MACF1: variants seen among roughly 807,000 people sequenced by gnomAD.
The protein encoded by MACF1 is microtubule-actin cross-linking factor 1.
Under a neutral mutation model 854.8 loss-of-function variants are expected in MACF1, and 193 were observed. That is an observed-to-expected ratio of 0.23 (90% CI 0.20 to 0.25). The LOEUF is 0.25. MACF1 is among the 10% of genes least tolerant of loss of function. The probability of loss-of-function intolerance (pLI) is 1.00; values close to 1 mark genes in which losing one functional copy is unlikely to be tolerated. For missense variants in MACF1, 7,722 were observed against 8,929.1 expected, an observed-to-expected ratio of 0.86 and a Z score of 5.45; for synonymous variants, 3,185 against 3,226.7, an observed-to-expected ratio of 0.99 and a Z score of 0.44.
intron 97 of MACF1, 52 bp downstream of exon 97, chr1:39,469,667 G>A (rs1644739548): frequency 7.2e-7 from 1 of 1,395,532 alleles, no homozygotes; most frequent in East Asian, 2.5e-5. Flanking sequence ...CATTGAGAAT[G>A]GCTTTGCTTC....
intron 1 of MACF1, among the ~76,000 whole-genome samples, chr1:39,225,920 A>G (rs1557528451): frequency 2.0e-5 from 3 of 152,198 alleles, no homozygotes; most frequent in Non-Finnish European, 4.4e-5. Flanking sequence ...AGGTCAGCAT[A>G]ATTCTTAAGG....
At chr1:39,137,715 A>C (rs1643213857) in intron 2 of MACF1, among the ~76,000 whole-genome samples, 2 of 152,166 alleles carry the variant, frequency 1.3e-5, no homozygotes, top group Admixed American at 1.3e-4. Context: ...GCAAGCAAGT[A>C]AGGATTGCTC....
At chr1:39,394,973 A>G (rs992994087) in intron 58 of MACF1, among the ~76,000 whole-genome samples, 1 of 152,060 alleles carries the variant, frequency 6.6e-6, no homozygotes, top group African/African-American at 2.4e-5. Context: ...TTTCTTCCTT[A>G]AACAAAGCTA....
In MACF1 at chr1:39,285,734, A is replaced by G; in HGVS notation, c.1484A>G (p.Tyr495Cys). ...DLQILRDENY[Y>C]QLEELAFRVM... The stretch of plus-strand genomic sequence containing the variant: ...CAGATCCTGCGGGATGAGAATTACT[A>G]CCAGCTAGAAGAGCTGGCTTTTAGG... The change falls in exon 14 of 101, where the codon TAC becomes TGC. Residue 495 changes from tyrosine (Y) to cysteine (C), a missense_variant. Physicochemically the swap from Tyr to Cys is radical, Grantham distance 194 (BLOSUM62 -2). This residue lies in a region of MACF1 where 1,137 missense variants were observed against 1,263.0 expected (regional missense o/e 0.90). Coordinates refer to ENST00000564288, the MANE Select transcript of MACF1 (RefSeq NM_001394062.1). The G allele has an allele frequency of 1.9e-6, 3 of 1,614,100 alleles. No individual in the cohort carries two copies. The highest frequency in any genetic ancestry group is 2.5e-6 in the Non-Finnish European group (3 of 1,180,012).
chr1:39,377,018 G>T (rs76111861), intron 52 of MACF1, among the ~76,000 whole-genome samples: 24,247 of 151,398 alleles, frequency 0.16, 2,414 homozygotes, highest in Middle Eastern at 0.22. Flanking sequence ...TTTTGTTTTT[G>T]TTGTTGTTTT....
chr1:39,297,842 G>A (rs1645956415), intron 21 of MACF1, 97 bp downstream of exon 21: 3 of 1,395,374 alleles, frequency 2.1e-6, no homozygotes, highest in African/African-American at 2.9e-5. Flanking sequence ...AGGGCAATGG[G>A]CCATTGTTGT....
At position 39,388,068 on chromosome 1, in the gene MACF1, C is replaced by G. The variant is rs144367111; in HGVS notation, c.15226C>G (p.Leu5076Val). Residue 5076 changes from leucine (L) to valine (V), a missense_variant, in exon 58 of 101, where the codon CTG (leucine) becomes GTG (valine). Transcript: ENST00000564288. ...VDYLRNFTQG[L>V]VEDAPDGSDA... Reference sequence around the variant, plus strand: ...CTATCTGAGGAACTTTACTCAGGGTCTGGTAGAAGATGCCCCAGATGGATC... The same window carrying G: ...CTATCTGAGGAACTTTACTCAGGGTGTGGTAGAAGATGCCCCAGATGGATC... 5.5e-4 allele frequency: 884 copies of G among 1,613,974 alleles called. No homozygotes were observed. The highest frequency in any genetic ancestry group is 7.2e-4 in the Non-Finnish European group (848 of 1,180,032).
intron 7 of MACF1, among the ~76,000 whole-genome samples, chr1:39,282,781 C>T (rs1165870580): frequency 4.6e-5 from 7 of 151,948 alleles, no homozygotes; most frequent in Non-Finnish European, 1.0e-4. Context: ...GTGTTCCAGT[C>T]GGAAGAAATA....
At chr1:39,352,446 C>T (rs1028662922) in intron 43 of MACF1, among the ~76,000 whole-genome samples, 1 of 152,178 alleles carries the variant, frequency 6.6e-6, no homozygotes, top group African/African-American at 2.4e-5. Flanking sequence ...CTTCTGTGTA[C>T]CTCAAAAGAT....
intron 84 of MACF1, among the ~76,000 whole-genome samples, chr1:39,449,896 G>A (rs1262281278): frequency 6.6e-6 from 1 of 151,702 alleles, no homozygotes; most frequent in Non-Finnish European, 1.5e-5. Flanking sequence ...ATCTCCCTCT[G>A]TCATCCAGGC....
chr1:39,269,029 G>A, intron 6 of MACF1: 2 of 1,289,134 alleles, frequency 1.6e-6, no homozygotes, highest in South Asian at 1.2e-5. Flanking sequence ...GTAAAGGAGA[G>A]ATTCCAAGGG....
chr1:39,228,681 G>A (rs1203074650), intron 1 of MACF1, among the ~76,000 whole-genome samples: 2 of 152,148 alleles, frequency 1.3e-5, no homozygotes, highest in African/African-American at 4.8e-5. Context: ...TTGAGATGGA[G>A]TCTTGCCCTC....
At chr1:39,418,862 C>CAAA (rs199994964) in intron 58 of MACF1, among the ~76,000 whole-genome samples, 20 of 137,308 alleles carry the variant, frequency 1.5e-4, no homozygotes, top group East Asian at 6.1e-4. Flanking sequence ...GACCCTGTCT[C>CAAA]AAAAAAAAAA....
intron 80 of MACF1, 53 bp from the exon 81 acceptor site, chr1:39,447,379 C>T (rs368620334): frequency 1.3e-6 from 2 of 1,579,694 alleles, no homozygotes; most frequent in South Asian, 1.1e-5. Context: ...GCCTATAATT[C>T]CTGAAATTGG....
intron 6 of MACF1, among the ~76,000 whole-genome samples, chr1:39,259,385 C>T (rs1380675003): frequency 6.6e-6 from 1 of 152,102 alleles, no homozygotes; most frequent in Non-Finnish European, 1.5e-5. Flanking sequence ...CCTCAGCCTC[C>T]CAAGTAGCTG....
chr1:39,261,150 G>C (rs1344252940), intron 6 of MACF1, among the ~76,000 whole-genome samples: 1 of 151,948 alleles, frequency 6.6e-6, no homozygotes, highest in East Asian at 1.9e-4. Flanking sequence ...TGTTCCAAAG[G>C]GAAATTTTAA....
At chr1:39,445,953 A>G (rs1644220531) in intron 80 of MACF1, among the ~76,000 whole-genome samples, 1 of 152,214 alleles carries the variant, frequency 6.6e-6, no homozygotes, top group Admixed American at 6.5e-5. Context: ...TCAATAACCT[A>G]TCTCCAAAAA....
At chr1:39,419,500 A>G (rs1266932896) in intron 58 of MACF1, among the ~76,000 whole-genome samples, 2 of 135,920 alleles carry the variant, frequency 1.5e-5, no homozygotes, top group Non-Finnish European at 3.2e-5. Context: ...ACCGGTAAGT[A>G]TTTAATGTAG....
intron 47 of MACF1, 150 bp from the exon 48 acceptor site, chr1:39,360,643 C>A: frequency 4.3e-6 from 1 of 233,250 alleles, no homozygotes; most frequent in Non-Finnish European, 7.5e-6. Flanking sequence ...TCAAGACCAG[C>A]TTGGGCAACA....
Sources: allele counts gnomAD v4.1 joint callset (sites outside exome capture counted in the v4.1 genomes callset), GRCh38; gene constraint gnomAD v4.1.1; regional missense constraint gnomAD v4.1.1; transcripts MANE v1.5; gene names NCBI Gene and HGNC (gene_info 2026-07-23, HGNC 2026-07-21).